Variants in FAM107B observed in about 807,000 individuals in gnomAD.
The protein encoded by FAM107B is family with sequence similarity 107 member B, also known as protein FAM107B.
FAM107B carries 21 observed loss-of-function variants against 31.5 expected under a neutral mutation model. The ratio of observed to expected loss-of-function variants is 0.67; its 90% confidence interval spans 0.47 to 0.96. The LOEUF (loss-of-function observed/expected upper bound fraction) is 0.96, where lower values mean the gene tolerates loss of function less well. Ranked by LOEUF, FAM107B falls within the 40% of genes least tolerant of loss-of-function variation. FAM107B has a pLI of 0.00. For missense variants in FAM107B, 452 were observed against 377.1 expected (o/e 1.20, Z -1.64); for synonymous variants, 157 against 141.5 (o/e 1.11, Z -0.78).
At chr10:14,715,481 G>T (rs1415238081) in intron 1 of FAM107B, among the ~76,000 whole-genome samples, 1 of 152,226 alleles carries the variant, frequency 6.6e-6, no homozygotes, top group Admixed American at 6.5e-5. Context: ...CGCAGTGGCT[G>T]TGATGGTTAA....
chr10:14,629,438 T>TTTA (rs1564606903), intron 2 of FAM107B, among the ~76,000 whole-genome samples: 19 of 6,124 alleles, frequency 3.1e-3, no homozygotes, highest in African/African-American at 0.018. Context: ...ATATATATTA[T>TTTA]ATATATATTA....
intron 1 of FAM107B, among the ~76,000 whole-genome samples, chr10:14,698,224 T>C (rs778656765): frequency 3.3e-5 from 5 of 152,222 alleles, no homozygotes; most frequent in Non-Finnish European, 7.3e-5. Context: ...GCAGTAGTAC[T>C]CCTAAGCCAA....
intron 1 of FAM107B, among the ~76,000 whole-genome samples, chr10:14,717,194 G>A (rs1020440459): frequency 2.0e-5 from 3 of 152,208 alleles, no homozygotes; most frequent in Non-Finnish European, 4.4e-5. Flanking sequence ...GTAAGGTAGT[G>A]AGCACGTGGT....
chr10:14,553,569 C>T (rs2131093403), intron 2 of FAM107B: 1 of 323,246 alleles, frequency 3.1e-6, no homozygotes, highest in Middle Eastern at 7.0e-4. Flanking sequence ...GCCATTTAAC[C>T]CCACCACACA....
chr10:14,680,410 C>T (rs1854803534), intron 1 of FAM107B, among the ~76,000 whole-genome samples: 2 of 151,926 alleles, frequency 1.3e-5, no homozygotes, highest in African/African-American at 4.8e-5. Context: ...CTCATCTCTA[C>T]TAAAAATACA....
At chr10:14,616,894 G>A (rs1030064211) in intron 2 of FAM107B, among the ~76,000 whole-genome samples, 2 of 152,086 alleles carry the variant, frequency 1.3e-5, no homozygotes, top group African/African-American at 2.4e-5. Context: ...ACTCCAGCCT[G>A]GGTGACACAG....
At chr10:14,530,029 ATTCTC>A (rs1377804724) in intron 3 of FAM107B, 1 of 264,746 alleles carries the variant, frequency 3.8e-6, no homozygotes, top group Non-Finnish European at 7.6e-6. Flanking sequence ...TACTTAGGAC[ATTCTC>A]TTCTATCTTT....
At chr10:14,540,086 C>T (rs975023975) in intron 2 of FAM107B, among the ~76,000 whole-genome samples, 1 of 152,210 alleles carries the variant, frequency 6.6e-6, no homozygotes, top group African/African-American at 2.4e-5. Context: ...CCTAGTCAGT[C>T]CCATCTGAAG....
intron 1 of FAM107B, among the ~76,000 whole-genome samples, chr10:14,697,429 T>C (rs557393960): frequency 1.3e-5 from 2 of 152,318 alleles, no homozygotes; most frequent in East Asian, 3.9e-4. Flanking sequence ...ATTTATGTAA[T>C]TGGAAAGTTT....
At chr10:14,653,814 G>GT (rs1853966218) in intron 2 of FAM107B, 1 of 152,162 alleles carries the variant, frequency 6.6e-6, no homozygotes. Flanking sequence ...TGAGGCTAGT[G>GT]TTTTCTCCTG....
At chr10:14,543,996 T>C (rs976793692) in intron 2 of FAM107B, among the ~76,000 whole-genome samples, 1 of 152,150 alleles carries the variant, frequency 6.6e-6, no homozygotes, top group Non-Finnish European at 1.5e-5. Flanking sequence ...CTTCTTTACA[T>C]GAAGCCTACA....
intron 2 of FAM107B, among the ~76,000 whole-genome samples, chr10:14,618,860 T>C (rs1023995198): frequency 2.0e-5 from 3 of 151,512 alleles, no homozygotes; most frequent in African/African-American, 4.9e-5. Context: ...CTGCAGATGA[T>C]GTAATTAAGA....
chr10:14,736,940 C>T (rs1394053414), intron 1 of FAM107B, among the ~76,000 whole-genome samples: 1 of 152,150 alleles, frequency 6.6e-6, no homozygotes, highest in Non-Finnish European at 1.5e-5. Flanking sequence ...GATAGGAAGC[C>T]GACACCAGGC....
At chr10:14,649,046 A>G (rs1853835733) in intron 2 of FAM107B, among the ~76,000 whole-genome samples, 2 of 152,206 alleles carry the variant, frequency 1.3e-5, no homozygotes, top group Admixed American at 1.3e-4. Context: ...AACCAGCTGA[A>G]TGGACCTCTC....
intron 1 of FAM107B, among the ~76,000 whole-genome samples, chr10:14,669,952 A>G (rs950321700): frequency 3.9e-5 from 6 of 152,252 alleles, no homozygotes; most frequent in Non-Finnish European, 7.3e-5. Context: ...ATACATAGAA[A>G]TCATAAATAC....
chr10:14,529,545 G>A (rs979817665), intron 3 of FAM107B: 1 of 152,042 alleles, frequency 6.6e-6, no homozygotes, highest in African/African-American at 2.4e-5. Flanking sequence ...AGTTCAGTGG[G>A]AGACCTTTCA....
chr10:14,713,219 G>A (rs981800943), intron 1 of FAM107B, among the ~76,000 whole-genome samples: 1 of 152,146 alleles, frequency 6.6e-6, no homozygotes, highest in Non-Finnish European at 1.5e-5. Context: ...CCTCCATACT[G>A]TTCGTCACCC....
intron 2 of FAM107B, among the ~76,000 whole-genome samples, chr10:14,629,416 A>ATATT (rs1564606785): frequency 2.3e-4 from 5 of 21,972 alleles, no homozygotes; most frequent in East Asian, 6.3e-4. Context: ...TTTAATATAT[A>ATATT]TAATATATAT....
At chr10:14,561,522 A>T (rs1040205061) in intron 2 of FAM107B, among the ~76,000 whole-genome samples, 1 of 152,148 alleles carries the variant, frequency 6.6e-6, no homozygotes, top group African/African-American at 2.4e-5. Flanking sequence ...AGGCCTGACC[A>T]GGTAAGCGGC....
Sources: allele counts gnomAD v4.1 joint callset (sites outside exome capture counted in the v4.1 genomes callset), GRCh38; gene constraint gnomAD v4.1.1; transcripts MANE v1.5; gene names NCBI Gene and HGNC (gene_info 2026-07-23, HGNC 2026-07-21).